The following ZNF385D variants were observed in gnomAD, a reference collection of about 807,000 sequenced individuals.
ZNF385D encodes zinc finger protein 659.
In ZNF385D, 15 loss-of-function variants were observed where a neutral mutation model predicts 35.8. The ratio of observed to expected loss-of-function variants is 0.42; its 90% confidence interval spans 0.28 to 0.64. The LOEUF (loss-of-function observed/expected upper bound fraction) is 0.64, where lower values mean the gene tolerates loss of function less well. Among genes scored for constraint, ZNF385D ranks in the 30% least tolerant of loss-of-function variants. The pLI is 0.23. For synonymous variants in ZNF385D, 212 were observed against 186.8 expected, an observed-to-expected ratio of 1.13 and a Z score of -1.10; for missense variants, 474 against 494.6, an observed-to-expected ratio of 0.96 and a Z score of 0.39.
At chr3:21,839,177 G>A (rs1432381866) in intron 3 of ZNF385D, among the ~76,000 whole-genome samples, 1 of 151,926 alleles carries the variant, frequency 6.6e-6, no homozygotes, top group Non-Finnish European at 1.5e-5. Flanking sequence ...TAAGCCCTAT[G>A]GCCTTTTCTG....
At chr3:21,889,291 C>T (rs1559726380) in intron 3 of ZNF385D, among the ~76,000 whole-genome samples, 1 of 152,216 alleles carries the variant, frequency 6.6e-6, no homozygotes, top group East Asian at 1.9e-4. Flanking sequence ...ATAGATCCTC[C>T]CTAAGGGGCC....
At chr3:21,665,132 A>C in intron 1 of ZNF385D, 104 bp from the exon 2 acceptor site, 1 of 1,402,402 alleles carries the variant, frequency 7.1e-7, no homozygotes, top group Non-Finnish European at 9.5e-7. Flanking sequence ...GGTCACTGGA[A>C]AAAACAAGAC....
chr3:21,612,481 C>T (rs567634858), intron 2 of ZNF385D, among the ~76,000 whole-genome samples: 11 of 152,130 alleles, frequency 7.2e-5, no homozygotes, highest in African/African-American at 1.9e-4. Flanking sequence ...GAATTCAAAC[C>T]GAAGACTTCT....
intron 4 of ZNF385D, among the ~76,000 whole-genome samples, chr3:21,468,714 A>G (rs905650702): frequency 6.6e-6 from 1 of 152,106 alleles, no homozygotes; most frequent in African/African-American, 2.4e-5. Context: ...TCACGAGGTC[A>G]GGAGATTGAG....
At chr3:22,202,463 T>A (rs1696862098) in intron 2 of ZNF385D, among the ~76,000 whole-genome samples, 1 of 152,038 alleles carries the variant, frequency 6.6e-6, no homozygotes, top group Non-Finnish European at 1.5e-5. Context: ...GTGGGTGCCT[T>A]GAAAATGTTC....
chr3:21,547,672 A>G (rs572179650), intron 3 of ZNF385D, among the ~76,000 whole-genome samples: 1 of 150,702 alleles, frequency 6.6e-6, no homozygotes, highest in Non-Finnish European at 1.5e-5. Flanking sequence ...GCTGGAGTGC[A>G]GTGGCATGAT....
At chr3:22,000,942 T>C (rs376364820) in intron 3 of ZNF385D, among the ~76,000 whole-genome samples, 2 of 151,748 alleles carry the variant, frequency 1.3e-5, no homozygotes, top group African/African-American at 4.8e-5. Flanking sequence ...AGGAAAATTA[T>C]CTGCCATCAT....
At chr3:21,933,022 A>C (rs2125252389) in intron 3 of ZNF385D, among the ~76,000 whole-genome samples, 1 of 152,222 alleles carries the variant, frequency 6.6e-6, no homozygotes, top group African/African-American at 2.4e-5. Flanking sequence ...GGGATGTTGA[A>C]GTTCTGAACC....
intron 3 of ZNF385D, among the ~76,000 whole-genome samples, chr3:22,047,042 C>G (rs558741760): frequency 2.6e-5 from 4 of 152,128 alleles, no homozygotes; most frequent in Admixed American, 6.5e-5. Context: ...ATAAATTATA[C>G]CAGTAACTGG....
At chr3:22,325,572 T>C (rs1294980640) in intron 2 of ZNF385D, among the ~76,000 whole-genome samples, 1 of 152,086 alleles carries the variant, frequency 6.6e-6, no homozygotes, top group East Asian at 1.9e-4. Context: ...GAGACCAGCC[T>C]GGGCAACATG....
chr3:22,075,535 G>A (rs1700423521), intron 3 of ZNF385D, among the ~76,000 whole-genome samples: 1 of 151,710 alleles, frequency 6.6e-6, no homozygotes, highest in South Asian at 2.1e-4. Flanking sequence ...TGGATTTCAT[G>A]TAACTCATGC....
At chr3:21,866,961 C>A (rs1291305) in intron 3 of ZNF385D, among the ~76,000 whole-genome samples, 131,720 of 152,074 alleles carry the variant, frequency 0.87, 57,500 homozygotes, top group Non-Finnish European at 0.92. Flanking sequence ...ACCCAATACC[C>A]ATTATCTTAG....
At chr3:21,776,463 G>A (rs540091817) in intron 3 of ZNF385D, among the ~76,000 whole-genome samples, 3 of 152,040 alleles carry the variant, frequency 2.0e-5, no homozygotes, top group African/African-American at 2.4e-5. Context: ...CGACGTATGT[G>A]TGTGTTAAAT....
At chr3:22,259,163 T>C (rs1176087210) in intron 2 of ZNF385D, among the ~76,000 whole-genome samples, 1 of 151,920 alleles carries the variant, frequency 6.6e-6, no homozygotes, top group Non-Finnish European at 1.5e-5. Flanking sequence ...TGGAAAGTAC[T>C]GGTTTACAGA....
At chr3:21,743,533 G>A (rs79107874) in intron 1 of ZNF385D, among the ~76,000 whole-genome samples, 2 of 152,198 alleles carry the variant, frequency 1.3e-5, no homozygotes, top group South Asian at 2.1e-4. Context: ...GCGTAGGCCT[G>A]GTTTGGTTTT....
intron 2 of ZNF385D, among the ~76,000 whole-genome samples, chr3:21,593,939 C>G (rs916717586): frequency 2.6e-5 from 4 of 152,234 alleles, no homozygotes; most frequent in Non-Finnish European, 5.9e-5. Context: ...TGCTTCCTGT[C>G]TAAATCCTGG....
chr3:22,167,153 G>T lies in ZNF385D; in HGVS notation c.325+1664C>A, dbSNP rs560715127. ...AAGCCAAGCTACAAGTCAAATCCAT[G>T]GACTGGACTGAGAATCTGTCTTCCC... On this transcript the variant is annotated intron_variant, in intron 3 of 5. Transcript: ENST00000494108. Among the ~76,000 whole-genome samples the T allele has an allele frequency of 8.5e-5, 13 of 152,222 alleles. No homozygotes were observed. In the East Asian group the frequency reaches 2.3e-3, roughly 27 times the overall value.
chr3:22,203,425 A>G (rs570720812), intron 2 of ZNF385D, among the ~76,000 whole-genome samples: 5 of 152,252 alleles, frequency 3.3e-5, no homozygotes, highest in African/African-American at 1.2e-4. Context: ...TACCGGCTTC[A>G]AAGTTGTGGT....
intron 2 of ZNF385D, among the ~76,000 whole-genome samples, chr3:21,613,566 G>A (rs556245469): frequency 2.6e-5 from 4 of 152,258 alleles, no homozygotes; most frequent in Non-Finnish European, 4.4e-5. Context: ...CCAACATCAC[G>A]TGACATTTGG....
Sources: allele counts gnomAD v4.1 joint callset (sites outside exome capture counted in the v4.1 genomes callset), GRCh38; gene constraint gnomAD v4.1.1; transcripts MANE v1.5; gene names NCBI Gene and HGNC (gene_info 2026-07-23, HGNC 2026-07-21).